The following FANCD2 variants were observed in gnomAD, a reference collection of about 807,000 sequenced individuals.
FANCD2 encodes the protein FA complementation group D2.
Under a neutral mutation model 192.3 loss-of-function variants are expected in FANCD2, and 131 were observed. The ratio of observed to expected loss-of-function variants is 0.68; its 90% CI spans 0.59 to 0.79. The LOEUF (loss-of-function observed/expected upper bound fraction) is 0.79, where lower values mean the gene tolerates loss of function less well. Ranked by LOEUF, FANCD2 falls within the 30% of genes least tolerant of loss-of-function variation. The pLI is 0.00. For synonymous variants in FANCD2, 524 were observed against 612.5 expected, an observed-to-expected ratio of 0.86 and a Z score of 2.13; for missense variants, 1,508 against 1,701.6, an observed-to-expected ratio of 0.89 and a Z score of 2.00.
At chr3:10,052,303 T>C in intron 17 of FANCD2, 84 bp from the exon 18 acceptor site, 1 of 891,864 alleles carries the variant, frequency 1.1e-6, no homozygotes, top group Non-Finnish European at 1.9e-6. Flanking sequence ...TATGTGTGTC[T>C]CTTTTACAGG....
At position 10,061,020 on chromosome 3, in the gene FANCD2, CA is replaced by C. The variant is rs549027445; in HGVS notation, c.1766+620del. Among the ~76,000 whole-genome samples, 304 of 152,268 alleles carry C rather than the reference CA, an allele frequency of 2.0e-3. 2 individuals carry two copies. Among genetic ancestry groups the C allele is most frequent in the Non-Finnish European group, 2.7e-3 (187 of 68,024 alleles). ...GTCACAATGGTGGGAGCAAAGAAAG[CA>C]AAGACAAAGTATGTAAGTCTGCCTT... is the stretch of plus-strand genomic sequence containing the variant. On this transcript the variant is annotated intron_variant, in intron 19 of 43. Transcript: ENST00000675286.
chr3:10,031,372 G>GGCA (rs779959708), intron 2 of FANCD2, among the ~76,000 whole-genome samples: 2 of 152,036 alleles, frequency 1.3e-5, no homozygotes, highest in Non-Finnish European at 2.9e-5. Context: ...GCGTGGTGGT[G>GGCA]TGCACCTGTA....
At chr3:10,043,233 A>G in intron 12 of FANCD2, 83 bp downstream of exon 12, 1 of 987,182 alleles carries the variant, frequency 1.0e-6, no homozygotes, top group Non-Finnish European at 1.6e-6. Context: ...ACTACAAATA[A>G]TGATACTATT....
intron 14 of FANCD2, 133 bp from the exon 15 acceptor site, chr3:10,046,447 C>T: frequency 2.7e-6 from 4 of 1,459,582 alleles, no homozygotes; most frequent in South Asian, 1.3e-5. Flanking sequence ...TGTAGATACT[C>T]CCAGGGGAGT....
chr3:10,063,489 T>C (rs2087625643), intron 20 of FANCD2, among the ~76,000 whole-genome samples: 2 of 152,202 alleles, frequency 1.3e-5, no homozygotes, highest in Non-Finnish European at 2.9e-5. Flanking sequence ...GCCTTGCATG[T>C]AAAGCAATAC....
intron 2 of FANCD2, among the ~76,000 whole-genome samples, chr3:10,031,272 G>T (rs946861644): frequency 6.6e-6 from 1 of 152,172 alleles, no homozygotes; most frequent in Non-Finnish European, 1.5e-5. Flanking sequence ...GGGTGGCCAA[G>T]GCGGGCAGAT....
intron 34 of FANCD2, among the ~76,000 whole-genome samples, chr3:10,087,792 G>C (rs1468258950): frequency 6.6e-6 from 1 of 151,984 alleles, no homozygotes; most frequent in Admixed American, 6.6e-5. Context: ...GGGATTACAG[G>C]TGCGCACCAC....
rs533979084 is a variant in FANCD2 at position 10,059,220 on chromosome 3, C to T, written c.1657-1074C>T. On this transcript the variant is annotated intron_variant, in intron 18 of 43. Transcript: ENST00000675286. Reference sequence around the variant, plus strand: ...ATAGAGATGAGGTTTTGCCATGTTACCCAGGCTGGTCTTGAACTCCTGGGT... The same window carrying T: ...ATAGAGATGAGGTTTTGCCATGTTATCCAGGCTGGTCTTGAACTCCTGGGT... 5.3e-5 allele frequency among the ~76,000 whole-genome samples: 8 copies of T among 152,080 alleles called. 1 individual carries two copies. In the East Asian group the frequency reaches 1.4e-3, roughly 26 times the overall value.
Position 10,043,837 on chromosome 3 carries a change from A to G in FANCD2, c.1107A>G (p.Glu369=). The change falls in exon 14 of 44, where the codon GAA becomes GAG. Residue 369 remains glutamate (E), a synonymous_variant. Transcript: ENST00000675286. The part of the protein sequence containing the change: ...TISEAWIKAI[E]NTASVSEHKV... The stretch of plus-strand genomic sequence containing the variant: ...CTCTCCTGTTTTTTCAGGCAATTGA[A>G]AACACTGCCTCAGTATCTGAACACA... 1 of 1,613,530 alleles carries G rather than the reference A, an allele frequency of 6.2e-7. No homozygotes were observed. The highest frequency in any genetic ancestry group is 8.5e-7 in the Non-Finnish European group (1 of 1,179,478).
intron 36 of FANCD2, 130 bp from the exon 37 acceptor site, chr3:10,090,162 T>G: frequency 1.4e-6 from 1 of 692,068 alleles, no homozygotes; most frequent in South Asian, 1.5e-5. Flanking sequence ...CCCCATCCTC[T>G]TACTAAGGAC....
intron 26 of FANCD2, among the ~76,000 whole-genome samples, chr3:10,069,562 C>T (rs1345983861): frequency 6.6e-6 from 1 of 150,740 alleles, no homozygotes; most frequent in South Asian, 2.1e-4. Context: ...AACCTCCCTG[C>T]CTGATTCTCC....
chr3:10,096,237 T>C, intron 41 of FANCD2, 89 bp from the exon 42 acceptor site: 1 of 1,400,882 alleles, frequency 7.1e-7, no homozygotes, highest in African/African-American at 1.4e-5. Flanking sequence ...AGGGCTTGTG[T>C]TCTTATTCAA....
chr3:10,095,002 C>G, intron 40 of FANCD2, 198 bp from the exon 41 acceptor site: 1 of 609,536 alleles, frequency 1.6e-6, no homozygotes, highest in Non-Finnish European at 3.0e-6. Context: ...CAGATTGATA[C>G]AAGGGACAGA....
At chr3:10,077,639 A>G (rs541271054) in intron 29 of FANCD2, among the ~76,000 whole-genome samples, 9 of 152,238 alleles carry the variant, frequency 5.9e-5, no homozygotes, top group Non-Finnish European at 8.8e-5. Flanking sequence ...CATAATCCCA[A>G]TACCTTGGGA....
At position 10,096,229 on chromosome 3, in the gene FANCD2, G is replaced by C. The variant is rs1434196443; in HGVS notation, c.4039-97G>C. 1.0e-5 allele frequency: 13 copies of C among 1,302,908 alleles called. No individual in the cohort carries two copies. The East Asian group carries it at 3.0e-4, about 30-fold the overall frequency. The allele number at this position is 1,302,908 out of a possible 1,614,324, so 80.7% of individuals were successfully genotyped here. A position where few individuals can be genotyped will look rare whatever the true frequency, so the allele number is the denominator to read the frequency against. On this transcript the variant is annotated intron_variant, in intron 41 of 43. Coordinates refer to ENST00000675286, the MANE Select transcript of FANCD2 (RefSeq NM_001018115.3). ...ACATACCGTTGGCCCATACTGGCAG[G>C]GCTTGTGTTCTTATTCAACATTCAA...
rs368249182 is a variant in FANCD2 at position 10,062,049 on chromosome 3, A to G, written c.1767-102A>G. 59 of 779,000 alleles carry G rather than the reference A, an allele frequency of 7.6e-5. 2 individuals are homozygous for G. The highest frequency in any genetic ancestry group is 6.3e-4 in the East Asian group (20 of 31,594). The allele number at this position is 779,000 out of a possible 1,614,324, so 48.3% of individuals were successfully genotyped here. ...ACGAGTTAATGGGTGCAGCACACCA[A>G]CATGGCACATGTATACATATGTAAC... On this transcript the variant is annotated intron_variant, in intron 19 of 43. Coordinates refer to ENST00000675286, the MANE Select transcript of FANCD2 (RefSeq NM_001018115.3).
At position 10,064,349 on chromosome 3, in the gene FANCD2, C is replaced by A. The variant is rs757782326; in HGVS notation, c.1948-7C>A. ...CACTGCCCTTTTTGTTTGTTTGCTT[C>A]CTGAAGGAATGGGTTGGGCATACCA... On this transcript the variant is annotated splice_region_variant and splice_polypyrimidine_tract_variant and intron_variant, in intron 21 of 43. Coordinates refer to ENST00000675286, the MANE Select transcript of FANCD2 (RefSeq NM_001018115.3). 1 of 1,597,602 alleles carries A rather than the reference C, an allele frequency of 6.3e-7. No individual in the cohort carries two copies. Among genetic ancestry groups the A allele is most frequent in the Non-Finnish European group, 8.6e-7 (1 of 1,165,072 alleles).
intron 37 of FANCD2, among the ~76,000 whole-genome samples, chr3:10,091,724 C>T (rs1694622178): frequency 6.6e-6 from 1 of 151,952 alleles, no homozygotes; most frequent in African/African-American, 2.4e-5. Context: ...GAAAAAAAAT[C>T]CTGAATCTCA....
intron 1 of FANCD2, 98 bp from the exon 2 acceptor site, chr3:10,028,527 C>G: frequency 1.3e-6 from 1 of 787,282 alleles, no homozygotes; most frequent in Non-Finnish European, 2.2e-6. Flanking sequence ...ATGTGAGCCC[C>G]TCTGATTTTG....
Sources: gnomAD v4.1 joint callset for allele counts (sites outside exome capture counted in the v4.1 genomes callset) on GRCh38, gnomAD v4.1.1 for gene constraint, MANE v1.5 for transcripts, NCBI Gene and HGNC (gene_info 2026-07-23, HGNC 2026-07-21) for gene names.